Variants in EYS observed in about 807,000 individuals in gnomAD.
The protein encoded by EYS is EGF-like photoreceptor maintenance factor.
Under a neutral mutation model 282.1 loss-of-function variants are expected in EYS, and 250 were observed. The observed-to-expected ratio is 0.89, with a 90% confidence interval of 0.80 to 0.98. The LOEUF (loss-of-function observed/expected upper bound fraction) is 0.98, where lower values mean the gene tolerates loss of function less well. Among genes scored for constraint, EYS ranks in the 50% least tolerant of loss-of-function variants. The pLI, the probability that EYS is intolerant of heterozygous loss-of-function variation, is 0.00. For synonymous variants in EYS, 1,355 were observed against 1,282.9 expected (o/e 1.06, Z -1.20); for missense variants, 4,016 against 3,709.0 (o/e 1.08, Z -2.15).
At chr6:65,472,878 G>T (rs1227184938) in intron 5 of EYS, among the ~76,000 whole-genome samples, 1 of 151,018 alleles carries the variant, frequency 6.6e-6, no homozygotes, top group Admixed American at 6.6e-5. Flanking sequence ...TTAATAATAT[G>T]CTCTTATTTG....
chr6:64,436,207 A>G lies in EYS; in HGVS notation c.5894T>C (p.Val1965Ala). 6.5e-7 allele frequency: 1 copy of G among 1,544,056 alleles called. No homozygotes were observed. Among genetic ancestry groups the G allele is most frequent in the Non-Finnish European group, 8.8e-7 (1 of 1,142,274 alleles). Reference protein sequence around the residue: ...KFKSINTTVRVDNGQKYTLLI... With the variant: ...KFKSINTTVRADNGQKYTLLI... ...CAGTGTATACTTTTGCCCGTTGTCC[A>G]CTCTAACAGTAGTATTAATGCTTTT... The change falls in exon 28 of 43, where the codon GTG becomes GCG. Residue 1965 changes from valine to alanine, a missense_variant. Physicochemically the swap from Val to Ala is moderately conservative, Grantham distance 64. Transcript: ENST00000503581.
chr6:63,975,285 C>G (rs1314368762), intron 35 of EYS, among the ~76,000 whole-genome samples: 2 of 151,834 alleles, frequency 1.3e-5, no homozygotes, highest in Non-Finnish European at 2.9e-5. Context: ...TCTTATTTGT[C>G]TTTATGAATC....
intron 12 of EYS, among the ~76,000 whole-genome samples, chr6:65,225,719 A>G (rs1766605302): frequency 6.9e-6 from 1 of 144,524 alleles, no homozygotes; most frequent in African/African-American, 2.5e-5. Flanking sequence ...TCCATCAAAA[A>G]AGAAAAAAAA....
At chr6:65,034,164 T>C (rs1171535580) in intron 13 of EYS, among the ~76,000 whole-genome samples, 1 of 152,208 alleles carries the variant, frequency 6.6e-6, no homozygotes. Context: ...ACCCAATGCC[T>C]ATACCCCCAT....
At chr6:63,988,274 C>T (rs1384302227) in intron 34 of EYS, among the ~76,000 whole-genome samples, 1 of 151,582 alleles carries the variant, frequency 6.6e-6, no homozygotes, top group African/African-American at 2.4e-5. Context: ...TGATCACACA[C>T]CTGGAAAAGT....
Position 65,495,987 on chromosome 6 carries a change from A to T in EYS, c.-326T>A, listed in dbSNP as rs1766242530. ...CATTCCTCTTCTGATTAGTTTTCAAAAAACACCTTTAAAACGTAGAAGAGT... is the reference window on the plus strand; with the variant it reads ...CATTCCTCTTCTGATTAGTTTTCAATAAACACCTTTAAAACGTAGAAGAGT... On this transcript the variant is annotated 5_prime_UTR_variant, in exon 3 of 43. Coordinates refer to ENST00000503581, the MANE Select transcript of EYS (RefSeq NM_001142800.2). The T allele has an allele frequency of 6.5e-6, 1 of 153,340 alleles. No homozygotes were observed. The highest frequency in any genetic ancestry group is 2.0e-4 in the South Asian group (1 of 4,926). The allele number at this position is 153,340 out of a possible 1,614,324, so 9.5% of individuals were successfully genotyped here. A position where few individuals can be genotyped will look rare whatever the true frequency, so the allele number is the denominator to read the frequency against.
At chr6:65,131,150 T>TTG (rs375514443) in intron 12 of EYS, among the ~76,000 whole-genome samples, 6,787 of 151,292 alleles carry the variant, frequency 0.045, 208 homozygotes, top group Middle Eastern at 0.075. Context: ...TTAGTTACCT[T>TTG]TGTGTGTGTG....
intron 30 of EYS, among the ~76,000 whole-genome samples, chr6:64,282,756 G>A (rs971975170): frequency 6.6e-6 from 1 of 152,124 alleles, no homozygotes; most frequent in Non-Finnish European, 1.5e-5. Flanking sequence ...CTGAACTACT[G>A]AGAGAAAATG....
intron 28 of EYS, among the ~76,000 whole-genome samples, chr6:64,420,555 C>T (rs780151658): frequency 6.6e-6 from 1 of 152,178 alleles, no homozygotes; most frequent in Non-Finnish European, 1.5e-5. Context: ...TTGGAGCTTA[C>T]ACCCTCTGAA....
intron 35 of EYS, among the ~76,000 whole-genome samples, chr6:63,916,578 G>T (rs1456736598): frequency 1.3e-5 from 2 of 152,022 alleles, no homozygotes; most frequent in African/African-American, 2.4e-5. Context: ...TCTTTTCATT[G>T]TTGTTTTGTG....
At chr6:65,689,080 T>C (rs1281327245) in intron 1 of EYS, among the ~76,000 whole-genome samples, 1 of 150,242 alleles carries the variant, frequency 6.7e-6, no homozygotes, top group Non-Finnish European at 1.5e-5. Flanking sequence ...TGCATGTATG[T>C]TTATTGTGGC....
chr6:63,920,083 G>A (rs1261146607), intron 35 of EYS, among the ~76,000 whole-genome samples: 1 of 151,824 alleles, frequency 6.6e-6, no homozygotes, highest in Admixed American at 6.6e-5. Flanking sequence ...GTATCTGTGT[G>A]TAGTTTTAGT....
intron 22 of EYS, among the ~76,000 whole-genome samples, chr6:64,739,613 T>C (rs2149959712): frequency 6.6e-6 from 1 of 152,310 alleles, no homozygotes; most frequent in African/African-American, 2.4e-5. Context: ...TATTGTTCTT[T>C]GCTAGGTAAT....
At position 63,876,735 on chromosome 6, in the gene EYS, C is replaced by T. The variant is rs1025759095; in HGVS notation, c.7056-12377G>A. Among the ~76,000 whole-genome samples, 5 of 152,138 alleles carry T rather than the reference C, an allele frequency of 3.3e-5. No individual in the cohort carries two copies. In the East Asian group the frequency reaches 9.6e-4, roughly 29 times the overall value. On this transcript the variant is annotated intron_variant, in intron 35 of 42. Transcript: ENST00000503581. Reference sequence around the variant, plus strand: ...AACATTATATAATGGCCTTCTTTGTCTCTTTTGATCTTTGTTGATTTAAAG... The same window carrying T: ...AACATTATATAATGGCCTTCTTTGTTTCTTTTGATCTTTGTTGATTTAAAG...
chr6:64,874,659 TG>T (rs1409970146), intron 19 of EYS, among the ~76,000 whole-genome samples: 1 of 152,136 alleles, frequency 6.6e-6, no homozygotes, highest in African/African-American at 2.4e-5. Context: ...AATCTTATTA[TG>T]GTTACTATTT....
intron 5 of EYS, among the ~76,000 whole-genome samples, chr6:65,438,515 C>G (rs1370995836): frequency 6.6e-6 from 1 of 152,090 alleles, no homozygotes; most frequent in Non-Finnish European, 1.5e-5. Flanking sequence ...CTCTCTAGCA[C>G]CTGTTGTTTC....
At chr6:63,980,011 C>T (rs967224792) in intron 35 of EYS, among the ~76,000 whole-genome samples, 14 of 151,848 alleles carry the variant, frequency 9.2e-5, no homozygotes, top group Non-Finnish European at 1.0e-4. Context: ...CAGCACTTTA[C>T]AGCAGTAAAT....
intron 22 of EYS, among the ~76,000 whole-genome samples, chr6:64,676,849 G>C (rs964176902): frequency 6.6e-6 from 1 of 152,062 alleles, no homozygotes; most frequent in Admixed American, 6.6e-5. Context: ...TGAGGGCTCT[G>C]CTCTCAAGAC....
At chr6:65,397,583 GGTGTGTGT>G (rs58522364) in intron 7 of EYS, among the ~76,000 whole-genome samples, 54,564 of 138,074 alleles carry the variant, frequency 0.4, 11,155 homozygotes, top group Non-Finnish European at 0.48. Context: ...TGTATTTCAT[GGTGTGTGT>G]GTGTGTGTGT....
Sources: gnomAD v4.1 joint callset for allele counts (sites outside exome capture counted in the v4.1 genomes callset) on GRCh38, gnomAD v4.1.1 for gene constraint, MANE v1.5 for transcripts, NCBI Gene and HGNC (gene_info 2026-07-23, HGNC 2026-07-21) for gene names.